The following SCML4 variants were observed in gnomAD, a reference collection of about 807,000 sequenced individuals.
The protein encoded by SCML4 is sex comb on midleg-like protein 4.
SCML4 carries 34 observed loss-of-function variants against 41.1 expected under a neutral mutation model. The observed-to-expected ratio is 0.83, with a 90% CI of 0.63 to 1.10. SCML4 has a LOEUF of 1.10. Ranked by LOEUF, SCML4 falls within the 50% of genes least tolerant of loss-of-function variation. The probability of loss-of-function intolerance (pLI) is 0.00; values close to 1 mark genes in which losing one functional copy is unlikely to be tolerated. For missense variants in SCML4, 522 were observed against 534.1 expected, an observed-to-expected ratio of 0.98 and a Z score of 0.22; for synonymous variants, 214 against 220.9, an observed-to-expected ratio of 0.97 and a Z score of 0.28.
At chr6:107,750,988 C>G (rs1473437880) in intron 2 of SCML4, among the ~76,000 whole-genome samples, 1 of 152,124 alleles carries the variant, frequency 6.6e-6, no homozygotes, top group African/African-American at 2.4e-5. Context: ...ACTGCTAGTT[C>G]CCCAGTCATT....
chr6:107,792,902 T>C (rs1782442759), intron 1 of SCML4, among the ~76,000 whole-genome samples: 1 of 152,114 alleles, frequency 6.6e-6, no homozygotes, highest in African/African-American at 2.4e-5. Context: ...ATAGATTGTA[T>C]AGGATCCAGA....
chr6:107,818,065 T>TTAGAAC (rs1784683568), intron 1 of SCML4, among the ~76,000 whole-genome samples: 1 of 152,244 alleles, frequency 6.6e-6, no homozygotes, highest in African/African-American at 2.4e-5. Flanking sequence ...ATTTCGAGCA[T>TTAGAAC]TAGAACCAGC....
chr6:107,804,146 T>C (rs1456828957), intron 1 of SCML4, among the ~76,000 whole-genome samples: 1 of 151,778 alleles, frequency 6.6e-6, no homozygotes, highest in Non-Finnish European at 1.5e-5. Context: ...TGAGCAGAAA[T>C]GTGATCTGAC....
At chr6:107,838,717 C>T in the SCML4 span, among the ~76,000 whole-genome samples, 1 of 152,122 alleles carries the variant, frequency 6.6e-6, no homozygotes. Flanking sequence ...ACAAGAGTTA[C>T]ATCTCCGGGG....
chr6:107,843,770 G>A, the SCML4 span, among the ~76,000 whole-genome samples: 1 of 152,290 alleles, frequency 6.6e-6, no homozygotes, highest in South Asian at 2.1e-4. Flanking sequence ...CAAACTTCCA[G>A]AAACCAGTTA....
Position 107,763,856 on chromosome 6 carries a change from A to AT in SCML4, c.156+8315dup, listed in dbSNP as rs573708308. 2.4e-3 allele frequency among the ~76,000 whole-genome samples: 363 copies of AT among 152,262 alleles called. 2 individuals carry two copies. The highest frequency in any genetic ancestry group is 8.4e-3 in the African/African-American group (347 of 41,544). Reference sequence around the variant, plus strand: ...ATCCTCCAGAACGATGACAAAATTAATTTCCATATTGAAGCCACCCAGGCT... The same window carrying AT: ...ATCCTCCAGAACGATGACAAAATTAATTTTCCATATTGAAGCCACCCAGGCT... On this transcript the variant is annotated intron_variant, in intron 2 of 7. Coordinates refer to ENST00000369020, the MANE Select transcript of SCML4 (RefSeq NM_198081.5).
chr6:107,732,722 C>T (rs1186486881), intron 5 of SCML4, among the ~76,000 whole-genome samples: 2 of 152,154 alleles, frequency 1.3e-5, no homozygotes, highest in African/African-American at 2.4e-5. Flanking sequence ...CAAACCTCCA[C>T]GCCAAGCTTA....
At chr6:107,832,096 CG>C in the SCML4 span, among the ~76,000 whole-genome samples, 1 of 148,692 alleles carries the variant, frequency 6.7e-6, no homozygotes, top group Non-Finnish European at 1.5e-5. Flanking sequence ...AAAATTAGCC[CG>C]GGGTGGTGGT....
chr6:107,703,037 A>C lies in SCML4; in HGVS notation c.*2163T>G, dbSNP rs1030865031. 2.6e-5 allele frequency among the ~76,000 whole-genome samples: 4 copies of C among 152,228 alleles called. No individual in the cohort carries two copies. Among genetic ancestry groups the C allele is most frequent in the African/African-American group, 9.6e-5 (4 of 41,456 alleles). ...TTGTCCTCGCTGCTATACTACCACC[A>C]GTGCCATGACGGTTTACAAATGCCA... is the stretch of plus-strand genomic sequence containing the variant. On this transcript the variant is annotated 3_prime_UTR_variant, in exon 8 of 8. Coordinates refer to ENST00000369020, the MANE Select transcript of SCML4 (RefSeq NM_198081.5).
At chr6:107,789,477 G>T (rs527387621) in intron 1 of SCML4, among the ~76,000 whole-genome samples, 1 of 152,166 alleles carries the variant, frequency 6.6e-6, no homozygotes, top group African/African-American at 2.4e-5. Flanking sequence ...GACAGCGCAC[G>T]GCTGAATTCC....
the SCML4 span, among the ~76,000 whole-genome samples, chr6:107,835,467 C>G: frequency 1.3e-4 from 20 of 151,830 alleles, no homozygotes; most frequent in Non-Finnish European, 2.9e-4. Flanking sequence ...AAGCTGGGTA[C>G]AGTGACTCAC....
At chr6:107,729,966 CAT>C (rs1776377707) in intron 5 of SCML4, among the ~76,000 whole-genome samples, 1 of 152,180 alleles carries the variant, frequency 6.6e-6, no homozygotes, top group Admixed American at 6.5e-5. Flanking sequence ...TTCCTCCTTA[CAT>C]CTAGCCTCAA....
At chr6:107,789,477 G>A (rs527387621) in intron 1 of SCML4, among the ~76,000 whole-genome samples, 10 of 152,282 alleles carry the variant, frequency 6.6e-5, no homozygotes, top group South Asian at 2.1e-4. Flanking sequence ...GACAGCGCAC[G>A]GCTGAATTCC....
chr6:107,820,569 G>C (rs1488545735), intron 1 of SCML4, among the ~76,000 whole-genome samples: 1 of 152,198 alleles, frequency 6.6e-6, no homozygotes, highest in Non-Finnish European at 1.5e-5. Flanking sequence ...ACTTCTTCAA[G>C]TCTCAAACTA....
chr6:107,837,330 G>A, the SCML4 span, among the ~76,000 whole-genome samples: 1 of 152,164 alleles, frequency 6.6e-6, no homozygotes. Flanking sequence ...GCCTTACAAG[G>A]GTGCATGTCT....
At chr6:107,766,645 A>T (rs1330735706) in intron 2 of SCML4, among the ~76,000 whole-genome samples, 1 of 152,236 alleles carries the variant, frequency 6.6e-6, no homozygotes, top group Non-Finnish European at 1.5e-5. Context: ...TGCCAGCTGT[A>T]AAACATTTAC....
At chr6:107,719,059 C>T (rs1775107763) in intron 6 of SCML4, 1 of 152,246 alleles carries the variant, frequency 6.6e-6, no homozygotes, top group Non-Finnish European at 1.5e-5. Context: ...GTTTACTTTA[C>T]AGTGTTGGTT....
In SCML4 at chr6:107,703,439, G is replaced by C. The variant is rs1012498846; in HGVS notation, c.*1761C>G. ...CCTTCTCTGCCATGCTCTCAGTCCA[G>C]CCGCCATTTGTGTGTCTGAAAAGGA... On this transcript the variant is annotated 3_prime_UTR_variant, in exon 8 of 8. Coordinates refer to ENST00000369020, the MANE Select transcript of SCML4 (RefSeq NM_198081.5). 6.6e-6 allele frequency among the ~76,000 whole-genome samples: 1 copy of C among 152,180 alleles called. No homozygotes were observed.
intron 1 of SCML4, among the ~76,000 whole-genome samples, chr6:107,817,433 A>G (rs974627125): frequency 6.6e-6 from 1 of 152,082 alleles, no homozygotes. Flanking sequence ...CCTGGGCAAC[A>G]TGGTGAAACC....
Sources: gnomAD v4.1 joint callset for allele counts (sites outside exome capture counted in the v4.1 genomes callset) on GRCh38, gnomAD v4.1.1 for gene constraint, MANE v1.5 for transcripts, NCBI Gene and HGNC (gene_info 2026-07-23, HGNC 2026-07-21) for gene names.